The following SEMA3E variants were observed in gnomAD, a reference collection of about 807,000 sequenced individuals.
SEMA3E encodes semaphorin-3E.
A neutral mutation model predicts 93.6 loss-of-function variants in SEMA3E; 49 were observed. The ratio of observed to expected loss-of-function variants is 0.52; its 90% CI spans 0.42 to 0.66. SEMA3E has a LOEUF of 0.66. Ranked by LOEUF, SEMA3E falls within the 30% of genes least tolerant of loss-of-function variation. SEMA3E has a pLI of 0.00. For missense variants in SEMA3E, 906 were observed against 964.8 expected (o/e 0.94, Z 0.81); for synonymous variants, 363 against 330.7 (o/e 1.10, Z -1.06).
chr7:83,488,572 T>C (rs1451612577), intron 2 of SEMA3E, among the ~76,000 whole-genome samples: 1 of 152,126 alleles, frequency 6.6e-6, no homozygotes, highest in African/African-American at 2.4e-5. Context: ...CTATCAGTAA[T>C]GTGTGAAGTT....
rs571720960 is a variant in SEMA3E, at chr7:83,607,576, C to A, written c.115+40852G>T. ...ATATAAACTGGGTCATTGGCTTATT[C>A]TTGATTTATTCACTTGAAAAATGCT... On this transcript the variant is annotated intron_variant, in intron 1 of 16. Coordinates refer to ENST00000643230, the MANE Select transcript of SEMA3E (RefSeq NM_012431.3). Among the ~76,000 whole-genome samples, 22 of 152,096 alleles carry A rather than the reference C, an allele frequency of 1.4e-4. No homozygotes were observed. The South Asian group carries it at 4.6e-3, about 32-fold the overall frequency.
intron 1 of SEMA3E, among the ~76,000 whole-genome samples, chr7:83,625,548 A>G (rs1199734433): frequency 6.6e-6 from 1 of 152,054 alleles, no homozygotes; most frequent in Non-Finnish European, 1.5e-5. Flanking sequence ...ATTTTTGCAC[A>G]TTATTTTGTA....
intron 1 of SEMA3E, among the ~76,000 whole-genome samples, chr7:83,606,788 A>G (rs1163983811): frequency 6.6e-6 from 1 of 151,298 alleles, no homozygotes; most frequent in South Asian, 2.1e-4. Flanking sequence ...AAAAAAAAAA[A>G]TCAGATTTGA....
At position 83,581,500 on chromosome 7, in the gene SEMA3E, G is replaced by C. The variant is rs80011008; in HGVS notation, c.115+66928C>G. ...ACACATACTTTTTAAACATTTTAAT[G>C]GTAGGTTTATTTAACTGGTATATAG... On this transcript the variant is annotated intron_variant, in intron 1 of 16. Coordinates refer to ENST00000643230, the MANE Select transcript of SEMA3E (RefSeq NM_012431.3). Among the ~76,000 whole-genome samples, 427 of 152,068 alleles carry C rather than the reference G, an allele frequency of 2.8e-3. 2 individuals are homozygous for C. Among genetic ancestry groups the C allele is most frequent in the African/African-American group, 9.6e-3 (397 of 41,544 alleles).
At position 83,400,067 on chromosome 7, in the gene SEMA3E, C is replaced by T; in HGVS notation, c.1327G>A (p.Ala443Thr). Residue 443 changes from alanine to threonine, a missense_variant, in exon 11 of 17, where the codon GCT (alanine) becomes ACT (threonine). Ala to Thr is a moderately conservative substitution (Grantham distance 58). Coordinates refer to ENST00000643230, the MANE Select transcript of SEMA3E (RefSeq NM_012431.3). ...AAGACGTCATATTGGCCATCCTCAGCTTCCACTCGATCTACTGCTATTTGT... is the reference window on the plus strand; with the variant it reads ...AAGACGTCATATTGGCCATCCTCAGTTTCCACTCGATCTACTGCTATTTGT... ...LKQIAVDRVE[A>T]EDGQYDVLFI... 3 of 1,614,050 alleles carry T rather than the reference C, an allele frequency of 1.9e-6. No individual in the cohort carries two copies. The highest frequency in any genetic ancestry group is 2.5e-6 in the Non-Finnish European group (3 of 1,179,948).
chr7:83,483,445 A>G (rs1242168707), intron 2 of SEMA3E, among the ~76,000 whole-genome samples: 1 of 152,160 alleles, frequency 6.6e-6, no homozygotes, highest in Non-Finnish European at 1.5e-5. Flanking sequence ...TGTATTAAAA[A>G]TATTTATAGT....
intron 2 of SEMA3E, 49 bp downstream of exon 2, chr7:83,490,064 AT>A: frequency 1.3e-6 from 2 of 1,572,224 alleles, no homozygotes; most frequent in Non-Finnish European, 1.7e-6. Flanking sequence ...CATTCTTGAA[AT>A]TTCCCCCCTT....
chr7:83,578,343 T>C (rs1424725917), intron 1 of SEMA3E, among the ~76,000 whole-genome samples: 1 of 152,036 alleles, frequency 6.6e-6, no homozygotes, highest in African/African-American at 2.4e-5. Flanking sequence ...GATCACTTGA[T>C]ATCAGGAGTT....
At chr7:83,536,976 A>C (rs1451469873) in intron 1 of SEMA3E, among the ~76,000 whole-genome samples, 1 of 151,996 alleles carries the variant, frequency 6.6e-6, no homozygotes, top group Admixed American at 6.6e-5. Context: ...TGGGACTTTA[A>C]TCCAATAGGA....
intron 1 of SEMA3E, among the ~76,000 whole-genome samples, chr7:83,575,241 G>A (rs1437120524): frequency 2.0e-5 from 3 of 151,488 alleles, no homozygotes; most frequent in Non-Finnish European, 4.4e-5. Flanking sequence ...AGGGTAGCAG[G>A]ATGGACGGAG....
chr7:83,386,908 C>G (rs968783074), intron 15 of SEMA3E, 75 bp downstream of exon 15: 1 of 1,302,474 alleles, frequency 7.7e-7, no homozygotes, highest in South Asian at 1.2e-5. Context: ...AAAAAGGACT[C>G]TTTTTAAGAA....
Position 83,531,380 on chromosome 7 carries a change from TCTGTCA to T in SEMA3E, c.116-41112_116-41107del, listed in dbSNP as rs199967497. Among the ~76,000 whole-genome samples, 349 of 143,762 alleles carry T rather than the reference TCTGTCA, an allele frequency of 2.4e-3. 5 individuals carry two copies. The highest frequency in any genetic ancestry group is 9.0e-3 in the African/African-American group (339 of 37,482). The allele number at this position is 143,762 out of a possible 152,430, so 94.3% of individuals were successfully genotyped here. ...TTTTTTTTCCGAGATGGAGTTTTGC[TCTGTCA>T]CCCAGGCTGGAGTGCAGTGATGCAA... is the stretch of plus-strand genomic sequence containing the variant. On this transcript the variant is annotated intron_variant, in intron 1 of 16. Transcript: ENST00000643230.
intron 4 of SEMA3E, among the ~76,000 whole-genome samples, chr7:83,433,155 T>C (rs927485493): frequency 2.8e-4 from 43 of 152,106 alleles, no homozygotes; most frequent in African/African-American, 1.0e-3. Flanking sequence ...AACTCACACA[T>C]TTGTTGCAAA....
At chr7:83,594,191 AC>A (rs1009062852) in intron 1 of SEMA3E, among the ~76,000 whole-genome samples, 4 of 152,138 alleles carry the variant, frequency 2.6e-5, no homozygotes, top group Non-Finnish European at 5.9e-5. Flanking sequence ...GTCAAAATAC[AC>A]TTTTTTGTTT....
intron 4 of SEMA3E, among the ~76,000 whole-genome samples, chr7:83,425,781 A>T (rs373646788): frequency 6.6e-6 from 1 of 152,204 alleles, no homozygotes; most frequent in East Asian, 1.9e-4. Flanking sequence ...AGCAAGAGCA[A>T]CTATCAACAG....
chr7:83,525,639 G>A (rs1001542241), intron 1 of SEMA3E, among the ~76,000 whole-genome samples: 1 of 151,704 alleles, frequency 6.6e-6, no homozygotes, highest in Non-Finnish European at 1.5e-5. Flanking sequence ...TAAATTCAAA[G>A]AGCTGTTTTA....
chr7:83,401,206 C>T (rs1788228347), intron 10 of SEMA3E, among the ~76,000 whole-genome samples: 1 of 152,026 alleles, frequency 6.6e-6, no homozygotes, highest in African/African-American at 2.4e-5. Context: ...ATTGGAAAAC[C>T]TTTAAATGTG....
intron 11 of SEMA3E, 49 bp from the exon 12 acceptor site, chr7:83,396,778 G>T (rs375754732): frequency 2.3e-6 from 3 of 1,327,986 alleles, no homozygotes; most frequent in East Asian, 2.5e-5. Context: ...GTCACAGTAC[G>T]GTTTTCAAAA....
At chr7:83,583,030 T>A (rs532037718) in intron 1 of SEMA3E, among the ~76,000 whole-genome samples, 1 of 152,262 alleles carries the variant, frequency 6.6e-6, no homozygotes, top group South Asian at 2.1e-4. Flanking sequence ...CTTTTCTGAA[T>A]TTGATATAAA....
Sources: gnomAD v4.1 joint callset for allele counts (sites outside exome capture counted in the v4.1 genomes callset) on GRCh38, gnomAD v4.1.1 for gene constraint, MANE v1.5 for transcripts, NCBI Gene and HGNC (gene_info 2026-07-23, HGNC 2026-07-21) for gene names.